Variants in CELF2 observed in about 807,000 individuals in gnomAD.
CELF2 encodes the protein CUG triplet repeat RNA-binding protein 2.
A neutral mutation model predicts 62.6 loss-of-function variants in CELF2; 8 were observed. The ratio of observed to expected loss-of-function variants is 0.13; its 90% CI spans 0.07 to 0.23. CELF2 has a LOEUF of 0.23. CELF2 is among the 10% of genes least tolerant of loss of function. The pLI, the probability that CELF2 is intolerant of heterozygous loss-of-function variation, is 1.00. For missense variants in CELF2, 333 were observed against 671.0 expected (o/e 0.50, Z 5.56); for synonymous variants, 258 against 250.0 (o/e 1.03, Z -0.30).
At chr10:11,303,622 A>G (rs1417495616) in intron 9 of CELF2, among the ~76,000 whole-genome samples, 1 of 152,218 alleles carries the variant, frequency 6.6e-6, no homozygotes, top group African/African-American at 2.4e-5. Flanking sequence ...CGTTTCGTGA[A>G]TAAACACTAA....
chr10:11,200,471 G>A (rs950295881), intron 2 of CELF2, among the ~76,000 whole-genome samples: 4 of 152,198 alleles, frequency 2.6e-5, no homozygotes, highest in Admixed American at 1.3e-4. Context: ...CTTATACTCT[G>A]CAGAATGTGG....
chr10:10,714,034 C>G, the CELF2 span, among the ~76,000 whole-genome samples: 1 of 151,498 alleles, frequency 6.6e-6, no homozygotes, highest in Non-Finnish European at 1.5e-5. Context: ...GAATCCATCT[C>G]AAAAAAAGAA....
At position 11,095,539 on chromosome 10, in the gene CELF2, A is replaced by G. The variant is rs540078282; in HGVS notation, c.75-69947A>G. Among the ~76,000 whole-genome samples the G allele has an allele frequency of 2.6e-5, 4 of 152,334 alleles. No individual in the cohort carries two copies. The South Asian group carries it at 6.2e-4, about 24-fold the overall frequency. ...AATCCACGACCTGCAGGGGGAGGGC[A>G]GCTGAGGTTTAACAGGCATATAAGC... On this transcript the variant is annotated intron_variant, in intron 1 of 12. Coordinates refer to ENST00000633077, the MANE Select transcript of CELF2 (RefSeq NM_001326342.2).
chr10:11,125,130 A>T (rs1481154736), intron 1 of CELF2, among the ~76,000 whole-genome samples: 5 of 152,184 alleles, frequency 3.3e-5, no homozygotes, highest in South Asian at 2.1e-4. Context: ...AAATTGACCC[A>T]GTCAGTGGTT....
At chr10:11,069,960 G>T (rs2069330010) in intron 1 of CELF2, among the ~76,000 whole-genome samples, 1 of 152,232 alleles carries the variant, frequency 6.6e-6, no homozygotes, top group Admixed American at 6.5e-5. Context: ...TCGAAGAGCA[G>T]TTAGTTGCAT....
At chr10:10,816,344 G>T (rs2056462760) in intron 1 of CELF2, among the ~76,000 whole-genome samples, 1 of 152,152 alleles carries the variant, frequency 6.6e-6, no homozygotes, top group Non-Finnish European at 1.5e-5. Flanking sequence ...GGTGACTCTA[G>T]GAGCTGGCTT....
At chr10:10,512,213 G>A in the CELF2 span, among the ~76,000 whole-genome samples, 1 of 152,124 alleles carries the variant, frequency 6.6e-6, no homozygotes, top group Non-Finnish European at 1.5e-5. Flanking sequence ...CTGAAGCCTA[G>A]AGTGGGAACT....
At chr10:11,111,317 A>G (rs909500619) in intron 1 of CELF2, among the ~76,000 whole-genome samples, 1 of 152,200 alleles carries the variant, frequency 6.6e-6, no homozygotes, top group African/African-American at 2.4e-5. Context: ...TAGGTCATCT[A>G]GTGATATTTA....
intron 1 of CELF2, among the ~76,000 whole-genome samples, chr10:11,020,780 G>T (rs1044235151): frequency 1.3e-5 from 2 of 152,144 alleles, no homozygotes; most frequent in African/African-American, 2.4e-5. Flanking sequence ...GAATTATTAC[G>T]CTTGATAGCC....
chr10:11,240,158 C>G (rs998857585), intron 3 of CELF2, among the ~76,000 whole-genome samples: 2 of 152,210 alleles, frequency 1.3e-5, no homozygotes, highest in Admixed American at 1.3e-4. Context: ...TATTCTGCCT[C>G]CATCATGGAA....
the CELF2 span, among the ~76,000 whole-genome samples, chr10:10,638,955 G>A: frequency 3.3e-5 from 5 of 152,270 alleles, no homozygotes; most frequent in South Asian, 1.0e-3. Context: ...AATCAGAGGA[G>A]CCCTGTACAG....
chr10:10,886,273 C>G (rs926469930), intron 1 of CELF2, among the ~76,000 whole-genome samples: 4 of 152,092 alleles, frequency 2.6e-5, no homozygotes, highest in African/African-American at 9.7e-5. Context: ...CATCTGTTAC[C>G]CCTTTAACTG....
chr10:10,835,671 C>A (rs2058231615), intron 1 of CELF2, among the ~76,000 whole-genome samples: 1 of 152,206 alleles, frequency 6.6e-6, no homozygotes, highest in African/African-American at 2.4e-5. Context: ...GTGTGAGCCA[C>A]CACGCCCAGC....
At chr10:11,308,832 A>G (rs1027053124) in intron 9 of CELF2, among the ~76,000 whole-genome samples, 3 of 136,530 alleles carry the variant, frequency 2.2e-5, no homozygotes, top group Non-Finnish European at 5.0e-5. Context: ...GTAGATGTCT[A>G]TCACATGCTA....
chr10:11,059,952 C>T (rs2066316739), intron 1 of CELF2, among the ~76,000 whole-genome samples: 1 of 152,172 alleles, frequency 6.6e-6, no homozygotes. Flanking sequence ...GCTCAAAAGC[C>T]GTTGAATTGG....
At chr10:10,567,377 G>A in the CELF2 span, among the ~76,000 whole-genome samples, 3 of 152,166 alleles carry the variant, frequency 2.0e-5, no homozygotes, top group African/African-American at 7.2e-5. Flanking sequence ...TCACAGGTCG[G>A]GTTCCCTGGG....
chr10:10,967,918 G>GCACACA (rs112085743), intron 2 of CELF2, among the ~76,000 whole-genome samples: 111 of 149,420 alleles, frequency 7.4e-4, no homozygotes, highest in African/African-American at 2.6e-3. Context: ...ATTAAGGTAA[G>GCACACA]CACACACACA....
intron 1 of CELF2, among the ~76,000 whole-genome samples, chr10:11,043,721 G>A (rs1170999967): frequency 2.6e-5 from 4 of 152,088 alleles, no homozygotes; most frequent in Admixed American, 6.6e-5. Flanking sequence ...ACCTGCAGTC[G>A]CTCCTGCTGT....
rs2075585961 is a variant in CELF2, at chr10:11,246,298, T to A, written c.355-2855T>A. 6.6e-6 allele frequency among the ~76,000 whole-genome samples: 1 copy of A among 152,130 alleles called. No individual in the cohort carries two copies. The highest frequency in any genetic ancestry group is 1.5e-5 in the Non-Finnish European group (1 of 68,034). On this transcript the variant is annotated intron_variant, in intron 3 of 12. Transcript: ENST00000633077. This position sits in a 1 kb window ranked among gnomAD's most constrained non-coding sequence, Gnocchi z 4.6. ...GCGCTCACCTCATCTCTCCCATATC[T>A]TGAACCTGTGAATCTCAGTGGACTC... is the stretch of plus-strand genomic sequence containing the variant.
Sources: allele counts gnomAD v4.1 joint callset (sites outside exome capture counted in the v4.1 genomes callset), GRCh38; gene constraint gnomAD v4.1.1; non-coding constraint Gnocchi (gnomAD v3.1); transcripts MANE v1.5; gene names NCBI Gene and HGNC (gene_info 2026-07-23, HGNC 2026-07-21).